Variants in ITGA2 observed in about 807,000 individuals in gnomAD.
ITGA2 encodes integrin alpha-2.
In ITGA2, 101 loss-of-function variants were observed where a neutral mutation model predicts 146.3. The ratio of observed to expected loss-of-function variants is 0.69; its 90% CI spans 0.59 to 0.81. ITGA2 has a LOEUF of 0.81. Among genes scored for constraint, ITGA2 ranks in the 40% least tolerant of loss-of-function variants. ITGA2 has a pLI of 0.00. For missense variants in ITGA2, 1,281 were observed against 1,402.7 expected (o/e 0.91, Z 1.39); for synonymous variants, 477 against 487.1 (o/e 0.98, Z 0.27).
rs1312761952 is a variant in ITGA2 at position 53,094,519 on chromosome 5, T to C, written c.*3920T>C. The stretch of plus-strand genomic sequence containing the variant: ...GTCTTTTTTCAAATGTGGTGTTTGA[T>C]GTTTTTGATTAAATGTGTTTTGCCT... On this transcript the variant is annotated 3_prime_UTR_variant, in exon 30 of 30. Transcript: ENST00000296585. 6.6e-6 allele frequency: 1 copy of C among 152,222 alleles called. No individual in the cohort carries two copies. Among genetic ancestry groups the C allele is most frequent in the Non-Finnish European group, 1.5e-5 (1 of 68,018 alleles). 9.4% of individuals were successfully genotyped at this position (152,222 alleles called of 1,614,324 possible). A position where few individuals can be genotyped will look rare whatever the true frequency, so the allele number is the denominator to read the frequency against.
At chr5:53,013,377 T>TC (rs1488001747) in intron 1 of ITGA2, among the ~76,000 whole-genome samples, 5 of 151,598 alleles carry the variant, frequency 3.3e-5, no homozygotes, top group African/African-American at 7.3e-5. Context: ...TTTCTTTCTT[T>TC]TTTTTTTTTT....
chr5:53,070,650 T>C (rs1316951667), intron 17 of ITGA2, among the ~76,000 whole-genome samples: 1 of 151,934 alleles, frequency 6.6e-6, no homozygotes, highest in African/African-American at 2.4e-5. Context: ...AATTGTGGTT[T>C]CTACTATTAG....
intron 27 of ITGA2, among the ~76,000 whole-genome samples, chr5:53,083,713 G>A (rs1207652977): frequency 2.6e-5 from 4 of 152,138 alleles, no homozygotes; most frequent in African/African-American, 9.7e-5. Flanking sequence ...ACATCAATGG[G>A]AATGGTGTCA....
intron 16 of ITGA2, among the ~76,000 whole-genome samples, chr5:53,068,800 C>T (rs950192086): frequency 1.3e-5 from 2 of 150,722 alleles, no homozygotes; most frequent in African/African-American, 4.9e-5. Flanking sequence ...TTTATTGCAT[C>T]AGGTGCACAC....
intron 7 of ITGA2, among the ~76,000 whole-genome samples, chr5:53,054,735 T>C (rs1355632308): frequency 1.3e-5 from 2 of 152,082 alleles, no homozygotes; most frequent in Non-Finnish European, 2.9e-5. Flanking sequence ...ATGCCCTCAT[T>C]TGATGCAAAG....
At chr5:53,057,095 G>T (rs887198417) in intron 9 of ITGA2, among the ~76,000 whole-genome samples, 1 of 151,886 alleles carries the variant, frequency 6.6e-6, no homozygotes, top group African/African-American at 2.4e-5. Context: ...CATACCCTGA[G>T]ATAACACAAA....
At position 53,026,778 on chromosome 5, in the gene ITGA2, T is replaced by G. The variant is rs2111816025; in HGVS notation, c.95T>G (p.Val32Gly). 1 of 1,612,328 alleles carries G rather than the reference T, an allele frequency of 6.2e-7. No homozygotes were observed. The highest frequency in any genetic ancestry group is 8.5e-7 in the Non-Finnish European group (1 of 1,178,418). The change falls in exon 2 of 30, where the codon GTT (valine) becomes GGT (glycine). Residue 32 changes from valine (V) to glycine (G), a missense_variant. Physicochemically the swap from Val to Gly is moderately radical, Grantham distance 109 (BLOSUM62 -3). This residue lies in a region of ITGA2 where 795 missense variants were observed against 841.7 expected (regional missense o/e 0.94). Transcript: ENST00000296585. ...TTAAATTGTTGTTTGGCCTACAATG[T>G]TGGTCTCCCAGAAGCAAAAATATTT... ...GILNCCLAYN[V>G]GLPEAKIFSG...
chr5:53,014,505 A>T lies in ITGA2; in HGVS notation c.65-12243A>T, dbSNP rs141540318. The stretch of plus-strand genomic sequence containing the variant: ...GTGCTGCTGGATTTGGCTTACTGGT[A>T]CTTTATTGAGGAATTTTGCATCTAT... On this transcript the variant is annotated intron_variant, in intron 1 of 29. Transcript: ENST00000296585. 3.2e-4 allele frequency among the ~76,000 whole-genome samples: 48 copies of T among 152,178 alleles called. No homozygotes were observed. In the East Asian group the frequency reaches 7.7e-3, roughly 25 times the overall value.
chr5:53,032,640 A>C (rs1220112139), intron 2 of ITGA2, among the ~76,000 whole-genome samples: 1 of 152,218 alleles, frequency 6.6e-6, no homozygotes, highest in Non-Finnish European at 1.5e-5. Flanking sequence ...ATAATATTTA[A>C]ATTTTATTTT....
rs1025482350 is a variant in ITGA2 at position 53,049,441 on chromosome 5, G to T, written c.630+671G>T. ...AATTAATTTCTTTTGTTTATTCCTT[G>T]CTGGTAAAACAATTATTGAATTCTG... On this transcript the variant is annotated intron_variant, in intron 6 of 29. Transcript: ENST00000296585. Among the ~76,000 whole-genome samples, 3 of 151,958 alleles carry T rather than the reference G, an allele frequency of 2.0e-5. No homozygotes were observed. The East Asian group carries it at 5.8e-4, about 29-fold the overall frequency.
chr5:53,080,349 GAC>G (rs1247523335), intron 24 of ITGA2, among the ~76,000 whole-genome samples, 160 bp from the exon 25 acceptor site: 1 of 152,146 alleles, frequency 6.6e-6, no homozygotes, highest in Non-Finnish European at 1.5e-5. Context: ...TAAGAGGTGA[GAC>G]ACAGAGACCT....
At chr5:53,050,525 A>C (rs1744306447) in intron 6 of ITGA2, among the ~76,000 whole-genome samples, 1 of 152,142 alleles carries the variant, frequency 6.6e-6, no homozygotes, top group Non-Finnish European at 1.5e-5. Context: ...TCCCTTGGCA[A>C]AACACAGCAG....
chr5:53,052,924 T>G (rs1744444776), intron 7 of ITGA2, among the ~76,000 whole-genome samples: 1 of 152,130 alleles, frequency 6.6e-6, no homozygotes, highest in Non-Finnish European at 1.5e-5. Context: ...CCCTACACTC[T>G]CTCCCAAAAC....
chr5:53,067,263 T>C lies in ITGA2; in HGVS notation c.2083+6T>C. ...TAAGCAAAACAATCAAGTGGGTGCG[T>C]AGATCTGAAATAATCTGTATAGAAA... On this transcript the variant is annotated splice_donor_region_variant and intron_variant, in intron 16 of 29. Coordinates refer to ENST00000296585, the MANE Select transcript of ITGA2 (RefSeq NM_002203.4). 6.2e-7 allele frequency: 1 copy of C among 1,611,234 alleles called. No homozygotes were observed. The highest frequency in any genetic ancestry group is 8.5e-7 in the Non-Finnish European group (1 of 1,178,408).
chr5:53,012,567 T>C (rs1742188786), intron 1 of ITGA2, among the ~76,000 whole-genome samples: 1 of 152,160 alleles, frequency 6.6e-6, no homozygotes, highest in African/African-American at 2.4e-5. Context: ...AACATAGGCA[T>C]GCATGTGTCT....
chr5:53,051,907 G>A (rs1744387138), intron 7 of ITGA2, among the ~76,000 whole-genome samples: 1 of 152,098 alleles, frequency 6.6e-6, no homozygotes, highest in South Asian at 2.1e-4. Flanking sequence ...GACAAATTGA[G>A]CTCATGGATC....
At chr5:52,999,024 T>G (rs1741436894) in intron 1 of ITGA2, among the ~76,000 whole-genome samples, 1 of 152,268 alleles carries the variant, frequency 6.6e-6, no homozygotes, top group Non-Finnish European at 1.5e-5. Flanking sequence ...TGTTTTTCCT[T>G]TTTCATAACA....
At chr5:53,024,135 A>G (rs570518963) in intron 1 of ITGA2, among the ~76,000 whole-genome samples, 27 of 152,202 alleles carry the variant, frequency 1.8e-4, no homozygotes, top group Non-Finnish European at 3.8e-4. Flanking sequence ...AAAGACATTT[A>G]GCCTTCATGA....
intron 1 of ITGA2, among the ~76,000 whole-genome samples, chr5:53,010,876 A>T (rs939061818): frequency 6.6e-6 from 1 of 152,120 alleles, no homozygotes; most frequent in African/African-American, 2.4e-5. Context: ...TATCTGGGTG[A>T]GAGCTAAATC....
Sources: gnomAD v4.1 joint callset for allele counts (sites outside exome capture counted in the v4.1 genomes callset) on GRCh38, gnomAD v4.1.1 for gene constraint, gnomAD v4.1.1 regional missense constraint, MANE v1.5 for transcripts, NCBI Gene and HGNC (gene_info 2026-07-23, HGNC 2026-07-21) for gene names.